ERC2: variants seen among roughly 807,000 people sequenced by gnomAD.
The protein encoded by ERC2 is ERC protein 2.
In ERC2, 42 loss-of-function variants were observed where a neutral mutation model predicts 114.8. That is an observed-to-expected ratio of 0.37 (90% CI 0.29 to 0.47). The LOEUF is 0.47. Among genes scored for constraint, ERC2 ranks in the 20% least tolerant of loss-of-function variants. ERC2 has a pLI of 0.99. For synonymous variants in ERC2, 454 were observed against 425.5 expected (o/e 1.07, Z -0.82); for missense variants, 939 against 1,150.7 (o/e 0.82, Z 2.66).
chr3:55,604,262 G>T (rs556122344), intron 17 of ERC2, among the ~76,000 whole-genome samples: 49 of 152,096 alleles, frequency 3.2e-4, no homozygotes, highest in South Asian at 1.2e-3. Context: ...CCCTCAAACT[G>T]TGTCCTAGGC....
At chr3:56,467,553 G>A (rs890655908) in intron 1 of ERC2, among the ~76,000 whole-genome samples, 2 of 151,990 alleles carry the variant, frequency 1.3e-5, no homozygotes, top group African/African-American at 4.8e-5. Context: ...AGGCTCGTAC[G>A]GTATTTTTTT....
intron 17 of ERC2, among the ~76,000 whole-genome samples, chr3:55,580,110 A>G (rs2057183537): frequency 6.6e-6 from 1 of 152,246 alleles, no homozygotes; most frequent in Admixed American, 6.5e-5. Context: ...TTTTGCCATT[A>G]AAAGTAATGG....
intron 17 of ERC2, among the ~76,000 whole-genome samples, chr3:55,523,608 G>A (rs745321433): frequency 1.3e-5 from 2 of 152,124 alleles, no homozygotes; most frequent in Admixed American, 6.5e-5. Context: ...GGGCAACTTG[G>A]CATCAGACAT....
chr3:56,353,655 T>G (rs1576560548), intron 2 of ERC2, among the ~76,000 whole-genome samples: 3 of 42,708 alleles, frequency 7.0e-5, no homozygotes, highest in Non-Finnish European at 1.2e-4. Context: ...GGGCCTGTTG[T>G]GGGGTGGGGG....
At chr3:55,706,922 G>C (rs1453041335) in intron 15 of ERC2, among the ~76,000 whole-genome samples, 2 of 152,054 alleles carry the variant, frequency 1.3e-5, no homozygotes, top group African/African-American at 4.8e-5. Flanking sequence ...TTCAGTTTCG[G>C]CCAAACATTC....
intron 16 of ERC2, among the ~76,000 whole-genome samples, chr3:55,688,004 C>T (rs560710108): frequency 6.6e-6 from 1 of 152,312 alleles, no homozygotes; most frequent in East Asian, 1.9e-4. Context: ...TTTTATTTCT[C>T]CTGCTTCCTG....
At chr3:55,568,258 G>A (rs180945584) in intron 17 of ERC2, among the ~76,000 whole-genome samples, 5 of 152,240 alleles carry the variant, frequency 3.3e-5, no homozygotes, top group African/African-American at 7.2e-5. Context: ...AGGAGCCCAC[G>A]GGTTGGATCA....
intron 10 of ERC2, among the ~76,000 whole-genome samples, chr3:55,997,908 G>GTTTTTTTTTTTTTTTTTTTTT (rs1559996794): frequency 5.4e-5 from 1 of 18,378 alleles, no homozygotes; most frequent in Non-Finnish European, 1.1e-4. Flanking sequence ...TTTTTTTTTT[G>GTTTTTTTTTTTTTTTTTTTTT]TGTGTGTGTG....
intron 13 of ERC2, among the ~76,000 whole-genome samples, chr3:55,924,021 G>T (rs2149388815): frequency 6.6e-6 from 1 of 152,184 alleles, no homozygotes; most frequent in East Asian, 1.9e-4. Flanking sequence ...TTATTAAGCT[G>T]GGGACACAAT....
At chr3:55,995,700 A>C (rs2071450367) in intron 10 of ERC2, among the ~76,000 whole-genome samples, 1 of 152,212 alleles carries the variant, frequency 6.6e-6, no homozygotes. Flanking sequence ...AATTTACAAA[A>C]GATATTGTAC....
intron 14 of ERC2, among the ~76,000 whole-genome samples, chr3:55,800,450 T>C (rs911754164): frequency 6.6e-6 from 1 of 152,076 alleles, no homozygotes; most frequent in East Asian, 1.9e-4. Context: ...CCGGAAGTTA[T>C]GTTTTAAGTC....
intron 4 of ERC2, among the ~76,000 whole-genome samples, chr3:56,163,205 T>A (rs549721087): frequency 2.6e-5 from 4 of 152,306 alleles, no homozygotes; most frequent in African/African-American, 9.6e-5. Flanking sequence ...TGATTTCTAT[T>A]TTTATTCCAC....
At chr3:56,096,093 G>A (rs2078047653) in intron 6 of ERC2, among the ~76,000 whole-genome samples, 1 of 152,144 alleles carries the variant, frequency 6.6e-6, no homozygotes, top group Admixed American at 6.5e-5. Flanking sequence ...TGACTTTTAA[G>A]ATGTTTTATT....
At chr3:56,233,422 A>T (rs1332234058) in intron 3 of ERC2, among the ~76,000 whole-genome samples, 1 of 152,278 alleles carries the variant, frequency 6.6e-6, no homozygotes, top group South Asian at 2.1e-4. Context: ...GGAGTTTGAG[A>T]CCAGCCTGGC....
chr3:56,382,508 G>A (rs2059790059), intron 2 of ERC2, among the ~76,000 whole-genome samples: 3 of 152,078 alleles, frequency 2.0e-5, no homozygotes, highest in Admixed American at 6.6e-5. Flanking sequence ...GATGTCATTA[G>A]TGACCTGAAT....
intron 17 of ERC2, among the ~76,000 whole-genome samples, chr3:55,554,845 C>G (rs1482128210): frequency 1.3e-5 from 2 of 152,126 alleles, no homozygotes; most frequent in African/African-American, 4.8e-5. Context: ...TGGCAAATAT[C>G]TCTCTTCCCA....
At chr3:55,595,827 T>C (rs2058099609) in intron 17 of ERC2, among the ~76,000 whole-genome samples, 1 of 152,152 alleles carries the variant, frequency 6.6e-6, no homozygotes, top group Admixed American at 6.5e-5. Context: ...AGTATGGCAG[T>C]TTATAAATTA....
intron 14 of ERC2, among the ~76,000 whole-genome samples, chr3:55,871,626 CA>C (rs1226319660): frequency 6.6e-6 from 1 of 152,098 alleles, no homozygotes; most frequent in Non-Finnish European, 1.5e-5. Context: ...GCAGAAATGT[CA>C]ATAATCATAA....
intron 17 of ERC2, among the ~76,000 whole-genome samples, chr3:55,569,616 T>G (rs934773416): frequency 2.0e-5 from 3 of 152,248 alleles, no homozygotes; most frequent in Non-Finnish European, 4.4e-5. Flanking sequence ...GCATTTGATG[T>G]GCCTGAAACT....
Sources: gnomAD v4.1 joint callset for allele counts (sites outside exome capture counted in the v4.1 genomes callset) on GRCh38, gnomAD v4.1.1 for gene constraint, MANE v1.5 for transcripts, NCBI Gene and HGNC (gene_info 2026-07-23, HGNC 2026-07-21) for gene names.